NCOA3: variants seen among roughly 807,000 people sequenced by gnomAD.
NCOA3 encodes CBP-interacting protein.
Under a neutral mutation model 158.8 loss-of-function variants are expected in NCOA3, and 51 were observed. The observed-to-expected ratio is 0.32, with a 90% CI of 0.26 to 0.41. The LOEUF (loss-of-function observed/expected upper bound fraction) is 0.41, where lower values mean the gene tolerates loss of function less well. Among genes scored for constraint, NCOA3 ranks in the 10% least tolerant of loss-of-function variants. The pLI, the probability that NCOA3 is intolerant of heterozygous loss-of-function variation, is 1.00. For synonymous variants in NCOA3, 537 were observed against 592.4 expected (o/e 0.91, Z 1.36); for missense variants, 1,510 against 1,746.6 (o/e 0.86, Z 2.41).
At chr20:47,592,246 T>C (rs866566460) in intron 2 of NCOA3, among the ~76,000 whole-genome samples, 3 of 152,312 alleles carry the variant, frequency 2.0e-5, no homozygotes, top group Middle Eastern at 3.4e-3. Context: ...GGTTTTGCCA[T>C]GTTGGCCAGG....
intron 22 of NCOA3, 71 bp downstream of exon 22, chr20:47,653,143 A>G (rs2086823418): frequency 9.3e-6 from 14 of 1,505,990 alleles, no homozygotes; most frequent in Non-Finnish European, 1.1e-5. Context: ...AGCCTAGGCT[A>G]TAATCAGAAT....
chr20:47,555,798 C>G (rs2146168088), intron 1 of NCOA3, among the ~76,000 whole-genome samples: 1 of 151,494 alleles, frequency 6.6e-6, no homozygotes, highest in South Asian at 2.1e-4. Context: ...GCCACCATGC[C>G]CGGCTGATTT....
intron 4 of NCOA3, 91 bp downstream of exon 4, chr20:47,624,174 G>C: frequency 9.1e-7 from 1 of 1,093,860 alleles, no homozygotes; most frequent in South Asian, 1.6e-5. Context: ...GTTTTTCCAT[G>C]GACCTGGTAG....
chr20:47,635,662 C>G lies in NCOA3; in HGVS notation c.1453C>G (p.Arg485Gly). 2 of 1,614,146 alleles carry G rather than the reference C, an allele frequency of 1.2e-6. No homozygotes were observed. The highest frequency in any genetic ancestry group is 2.2e-5 in the South Asian group (2 of 91,082). Residue 485 changes from arginine to glycine, a missense_variant, in exon 11 of 23, where the codon CGT becomes GGT. By Grantham distance (125) the Arg-to-Gly change is moderately radical. Transcript: ENST00000371998. ...PNQQNIMISP[R>G]NRGSPKIASH... is the part of the protein sequence containing the mutation. ...CCAGCAGAATATCATGATTTCTCCT[C>G]GTAATCGTGGGAGTCCAAAGATAGC... is the stretch of plus-strand genomic sequence containing the variant.
rs865862534 is a variant in NCOA3 at position 47,525,606 on chromosome 20, C to T, written c.-99+23587C>T. ...CTCCTGGACGGGGCGGCTGGCCGGG[C>T]GGGGGGCTGACCCCCCCACCTCCCT... On this transcript the variant is annotated intron_variant, in intron 1 of 22. Coordinates refer to ENST00000371998, the MANE Select transcript of NCOA3 (RefSeq NM_181659.3). Among the ~76,000 whole-genome samples, 25 of 128,926 alleles carry T rather than the reference C, an allele frequency of 1.9e-4. No individual in the cohort carries two copies. In the Middle Eastern group the frequency reaches 0.013, roughly 69 times the overall value. 84.6% of individuals were successfully genotyped at this position (128,926 alleles called of 152,430 possible).
At chr20:47,502,757 C>A (rs1221534860) in intron 1 of NCOA3, among the ~76,000 whole-genome samples, 2 of 144,360 alleles carry the variant, frequency 1.4e-5, no homozygotes, top group Non-Finnish European at 3.0e-5. Context: ...CGACCCAGTT[C>A]GTCATGGTTT....
At chr20:47,529,811 C>T (rs551111055) in intron 1 of NCOA3, among the ~76,000 whole-genome samples, 1 of 152,322 alleles carries the variant, frequency 6.6e-6, no homozygotes, top group South Asian at 2.1e-4. Context: ...AATTTTGGAA[C>T]ATTTTACAAC....
At chr20:47,649,715 C>T (rs769795910) in intron 19 of NCOA3, among the ~76,000 whole-genome samples, 14 of 151,662 alleles carry the variant, frequency 9.2e-5, no homozygotes, top group Non-Finnish European at 1.3e-4. Flanking sequence ...GTGAAATGCT[C>T]GATTTTTATT....
At chr20:47,502,781 G>T (rs2083961061) in intron 1 of NCOA3, among the ~76,000 whole-genome samples, 1 of 146,004 alleles carries the variant, frequency 6.8e-6, no homozygotes, top group South Asian at 2.2e-4. Context: ...TAAACTGCTT[G>T]TCTTGTACCT....
chr20:47,654,067 AATGAG>A lies in NCOA3; in HGVS notation c.*655_*659del, dbSNP rs1274220797. 6.6e-6 allele frequency: 1 copy of A among 152,652 alleles called. No homozygotes were observed. The highest frequency in any genetic ancestry group is 1.9e-4 in the East Asian group (1 of 5,208). The allele number at this position is 152,652 out of a possible 1,614,324, so 9.5% of individuals were successfully genotyped here. On this transcript the variant is annotated 3_prime_UTR_variant, in exon 23 of 23. Coordinates refer to ENST00000371998, the MANE Select transcript of NCOA3 (RefSeq NM_181659.3). ...TGTCCAAATGGCTTTGCAGAAAGGA[AATGAG>A]ATGACAGTATTTAATCGCAGCAGTA...
At chr20:47,528,152 A>G (rs2084486936) in intron 1 of NCOA3, among the ~76,000 whole-genome samples, 1 of 152,204 alleles carries the variant, frequency 6.6e-6, no homozygotes, top group Admixed American at 6.6e-5. Context: ...TTTGAGGAAT[A>G]ACAAGTGTTT....
intron 2 of NCOA3, among the ~76,000 whole-genome samples, chr20:47,586,392 A>AT (rs72645209): frequency 1.7e-4 from 25 of 148,432 alleles, no homozygotes; most frequent in African/African-American, 2.2e-4. Context: ...CACACACACA[A>AT]TTTTTTTTTT....
chr20:47,533,284 CAA>C (rs1158802672), intron 1 of NCOA3, among the ~76,000 whole-genome samples: 2 of 54,840 alleles, frequency 3.6e-5, no homozygotes, highest in Admixed American at 2.5e-4. Flanking sequence ...GGTTCCGTCT[CAA>C]AAAAAAAAAA....
intron 1 of NCOA3, among the ~76,000 whole-genome samples, chr20:47,553,772 C>G (rs1374184229): frequency 1.3e-5 from 2 of 152,010 alleles, no homozygotes; most frequent in African/African-American, 4.8e-5. Flanking sequence ...TGTATATGTG[C>G]CATGTTTTCT....
chr20:47,589,318 C>T (rs1414953234), intron 2 of NCOA3, among the ~76,000 whole-genome samples: 2 of 152,148 alleles, frequency 1.3e-5, no homozygotes, highest in African/African-American at 4.8e-5. Context: ...TTGCCAAAGT[C>T]TCTTTCTGGC....
chr20:47,642,469 C>A, intron 17 of NCOA3, 85 bp downstream of exon 17: 2 of 910,582 alleles, frequency 2.2e-6, no homozygotes, highest in Non-Finnish European at 3.0e-6. Flanking sequence ...TACAAGAATG[C>A]CTGTGTGTGT....
At chr20:47,538,183 T>A (rs567316890) in intron 1 of NCOA3, among the ~76,000 whole-genome samples, 2 of 152,318 alleles carry the variant, frequency 1.3e-5, no homozygotes, top group East Asian at 3.9e-4. Context: ...CCTGGACTAA[T>A]AGGTTTTTAA....
intron 2 of NCOA3, among the ~76,000 whole-genome samples, chr20:47,614,234 G>A (rs920004588): frequency 6.6e-6 from 1 of 152,084 alleles, no homozygotes; most frequent in Non-Finnish European, 1.5e-5. Context: ...GATATTTTTA[G>A]GGTAGAGAAA....
intron 1 of NCOA3, among the ~76,000 whole-genome samples, chr20:47,512,587 A>AC (rs373657794): frequency 0.026 from 3,762 of 144,536 alleles, 193 homozygotes; most frequent in African/African-American, 0.079. Flanking sequence ...AAAAAAAAAA[A>AC]AACACAAAAG....
Sources: gnomAD v4.1 joint callset for allele counts (sites outside exome capture counted in the v4.1 genomes callset) on GRCh38, gnomAD v4.1.1 for gene constraint, MANE v1.5 for transcripts, NCBI Gene and HGNC (gene_info 2026-07-23, HGNC 2026-07-21) for gene names.